MAPK10: variants seen among roughly 807,000 people sequenced by gnomAD.
The protein encoded by MAPK10 is JNK3 alpha protein kinase.
In MAPK10, 25 loss-of-function variants were observed where a neutral mutation model predicts 59.3. The ratio of observed to expected loss-of-function variants is 0.42; its 90% CI spans 0.31 to 0.59. The LOEUF is 0.59. MAPK10 is among the 20% of genes least tolerant of loss of function. The probability of loss-of-function intolerance (pLI) is 0.15; values close to 1 mark genes in which losing one functional copy is unlikely to be tolerated. For missense variants in MAPK10, 351 were observed against 568.9 expected, an observed-to-expected ratio of 0.62 and a Z score of 3.90; for synonymous variants, 190 against 200.5, an observed-to-expected ratio of 0.95 and a Z score of 0.44.
chr4:86,565,195 T>A (rs1760975707), intron 1 of MAPK10, among the ~76,000 whole-genome samples: 1 of 152,162 alleles, frequency 6.6e-6, no homozygotes, highest in African/African-American at 2.4e-5. Context: ...AATTCACTTT[T>A]AAAAACAGCT....
intron 3 of MAPK10, among the ~76,000 whole-genome samples, chr4:86,191,337 C>G (rs1392999676): frequency 6.6e-6 from 1 of 152,004 alleles, no homozygotes; most frequent in Non-Finnish European, 1.5e-5. Flanking sequence ...CTAATATTGA[C>G]AATGGGGTGT....
intron 4 of MAPK10, among the ~76,000 whole-genome samples, chr4:86,145,385 AT>A (rs2064717067): frequency 6.6e-6 from 1 of 151,060 alleles, no homozygotes; most frequent in African/African-American, 2.4e-5. Flanking sequence ...AAAAAAAAAA[AT>A]TTCTATCTCT....
intron 1 of MAPK10, among the ~76,000 whole-genome samples, chr4:86,589,980 T>C (rs1334551238): frequency 7.5e-6 from 1 of 133,898 alleles, no homozygotes; most frequent in Non-Finnish European, 1.6e-5. Context: ...CAAGACTCCA[T>C]CTTAAAAAAA....
At chr4:86,166,175 A>T (rs995820950) in intron 3 of MAPK10, among the ~76,000 whole-genome samples, 1 of 152,198 alleles carries the variant, frequency 6.6e-6, no homozygotes, top group Non-Finnish European at 1.5e-5. Flanking sequence ...TTCGTGTAAG[A>T]ATTAGCATTC....
chr4:86,280,945 G>A (rs1403250973), intron 2 of MAPK10, among the ~76,000 whole-genome samples: 2 of 151,974 alleles, frequency 1.3e-5, no homozygotes, highest in Non-Finnish European at 2.9e-5. Context: ...GGACTACTGG[G>A]GGAAGGAGGA....
chr4:86,394,268 CAA>C (rs558448709), intron 1 of MAPK10, among the ~76,000 whole-genome samples: 1 of 142,878 alleles, frequency 7.0e-6, no homozygotes. Context: ...GACTCCATTT[CAA>C]AAAAAAAAGA....
chr4:86,430,340 G>A (rs185927930), intron 1 of MAPK10, among the ~76,000 whole-genome samples: 2 of 152,184 alleles, frequency 1.3e-5, no homozygotes, highest in Admixed American at 1.3e-4. Context: ...TCATTGGCAC[G>A]GTACTAAAGT....
chr4:86,105,760 T>C (rs2056428710), intron 5 of MAPK10, among the ~76,000 whole-genome samples: 1 of 152,140 alleles, frequency 6.6e-6, no homozygotes, highest in East Asian at 1.9e-4. Flanking sequence ...ATCATTTCTA[T>C]ATTCCTTTCT....
chr4:86,589,968 A>G (rs2066709355), intron 1 of MAPK10, among the ~76,000 whole-genome samples: 1 of 149,938 alleles, frequency 6.7e-6, no homozygotes, highest in Non-Finnish European at 1.5e-5. Flanking sequence ...TGGGCTACAG[A>G]GCAAGACTCC....
intron 1 of MAPK10, among the ~76,000 whole-genome samples, chr4:86,493,679 C>T (rs192310218): frequency 6.6e-6 from 1 of 152,308 alleles, no homozygotes; most frequent in African/African-American, 2.4e-5. Flanking sequence ...ACCCCACTTC[C>T]TCATGCTTTT....
chr4:86,210,120 T>G (rs2085364251), intron 2 of MAPK10, among the ~76,000 whole-genome samples: 1 of 151,946 alleles, frequency 6.6e-6, no homozygotes, highest in African/African-American at 2.4e-5. Context: ...TAAACAAAAT[T>G]CAAATCAAAA....
chr4:86,516,563 A>C (rs964881386), intron 1 of MAPK10, among the ~76,000 whole-genome samples: 2 of 152,072 alleles, frequency 1.3e-5, no homozygotes, highest in African/African-American at 4.8e-5. Context: ...TTCTTTCAGC[A>C]GTGTTTTATG....
intron 2 of MAPK10, among the ~76,000 whole-genome samples, chr4:86,234,505 T>A (rs543623191): frequency 6.6e-6 from 1 of 152,240 alleles, no homozygotes; most frequent in African/African-American, 2.4e-5. Flanking sequence ...CAGGTACTTT[T>A]ATCTAATCTG....
intron 2 of MAPK10, among the ~76,000 whole-genome samples, chr4:86,322,474 C>T (rs1578230838): frequency 6.6e-6 from 1 of 152,148 alleles, no homozygotes; most frequent in African/African-American, 2.4e-5. Flanking sequence ...CCAACCTGAA[C>T]GATGCCTATA....
chr4:86,591,846 G>A (rs1238309554), intron 1 of MAPK10, among the ~76,000 whole-genome samples: 2 of 151,884 alleles, frequency 1.3e-5, no homozygotes, highest in Admixed American at 6.6e-5. Flanking sequence ...ATTGGCTATC[G>A]TTTCTATTGT....
chr4:86,359,262 TC>T (rs1335375481), intron 1 of MAPK10, among the ~76,000 whole-genome samples: 5 of 15,620 alleles, frequency 3.2e-4, no homozygotes, highest in African/African-American at 4.9e-4. Context: ...GTTTTTTTTT[TC>T]CTCTCTCTCT....
Position 86,285,287 on chromosome 4 carries a change from G to A in MAPK10, c.-7+69243C>T, listed in dbSNP as rs571832613. On this transcript the variant is annotated intron_variant, in intron 2 of 13. Coordinates refer to ENST00000641462, the MANE Select transcript of MAPK10 (RefSeq NM_138982.4). ...GGCTGGAGTCCAGTGGTGTGATCTC[G>A]GCTCACTGCAACCTCTGCCTCCCGG... is the stretch of plus-strand genomic sequence containing the variant. 1.7e-4 allele frequency among the ~76,000 whole-genome samples: 26 copies of A among 150,608 alleles called. No individual in the cohort carries two copies. In the East Asian group the frequency reaches 2.9e-3, roughly 17 times the overall value.
rs1413211052 is a variant in MAPK10, at chr4:86,016,745, CTAAG to C, written c.*479_*482del. 6.3e-6 allele frequency: 1 copy of C among 157,950 alleles called. No individual in the cohort carries two copies. The highest frequency in any genetic ancestry group is 1.4e-5 in the Non-Finnish European group (1 of 71,396). The allele number at this position is 157,950 out of a possible 1,614,324, so 9.8% of individuals were successfully genotyped here. On this transcript the variant is annotated 3_prime_UTR_variant, in exon 14 of 14. Transcript: ENST00000641462. ...CCTGAGGACACTGACAGTAGCATCT[CTAAG>C]TAAGTAGTGCTGTATGAATACAGAC...
chr4:86,448,539 T>C (rs986371535), intron 1 of MAPK10, among the ~76,000 whole-genome samples: 1 of 152,158 alleles, frequency 6.6e-6, no homozygotes, highest in African/African-American at 2.4e-5. Context: ...ATTTTAACTT[T>C]TTAAATGTAG....
Sources: gnomAD v4.1 joint callset for allele counts (sites outside exome capture counted in the v4.1 genomes callset) on GRCh38, gnomAD v4.1.1 for gene constraint, MANE v1.5 for transcripts, NCBI Gene and HGNC (gene_info 2026-07-23, HGNC 2026-07-21) for gene names.